Variants in MAGI1 observed in about 807,000 individuals in gnomAD.
MAGI1 encodes membrane associated guanylate kinase, WW and PDZ domain containing 1, also known as membrane-associated guanylate kinase, WW and PDZ domain-containing protein 1.
A neutral mutation model predicts 139.9 loss-of-function variants in MAGI1; 58 were observed. The observed-to-expected ratio is 0.41, with a 90% CI of 0.34 to 0.52. The LOEUF is 0.52. Ranked by LOEUF, MAGI1 falls within the 20% of genes least tolerant of loss-of-function variation. MAGI1 has a pLI of 0.12. For missense variants in MAGI1, 1,874 were observed against 1,901.6 expected (o/e 0.99, Z 0.27); for synonymous variants, 812 against 737.9 (o/e 1.10, Z -1.63).
intron 1 of MAGI1, among the ~76,000 whole-genome samples, chr3:65,732,303 CA>C (rs540531454): frequency 6.6e-6 from 1 of 152,188 alleles, no homozygotes; most frequent in East Asian, 1.9e-4. Context: ...TGAAAACTTG[CA>C]AAGACTTTGT....
chr3:65,371,484 G>A (rs1050079017), intron 18 of MAGI1, among the ~76,000 whole-genome samples: 1 of 152,180 alleles, frequency 6.6e-6, no homozygotes, highest in Admixed American at 6.5e-5. Context: ...CTGATGGAGG[G>A]TCTTGCCTTG....
intron 1 of MAGI1, among the ~76,000 whole-genome samples, chr3:65,655,434 A>G (rs2107341799): frequency 6.6e-6 from 1 of 152,338 alleles, no homozygotes; most frequent in South Asian, 2.1e-4. Flanking sequence ...AAACTCCAGC[A>G]AAACACAGAT....
At chr3:65,983,975 A>G (rs1386454035) in intron 1 of MAGI1, among the ~76,000 whole-genome samples, 4 of 152,166 alleles carry the variant, frequency 2.6e-5, no homozygotes, top group Non-Finnish European at 5.9e-5. Flanking sequence ...TTTACTCATC[A>G]AATAGTAATT....
chr3:65,429,788 G>A lies in MAGI1; in HGVS notation c.1899C>T (p.Ser633=), dbSNP rs1394149747. 4 of 1,613,988 alleles carry A rather than the reference G, an allele frequency of 2.5e-6. No individual in the cohort carries two copies. Among genetic ancestry groups the A allele is most frequent in the Non-Finnish European group, 3.4e-6 (4 of 1,179,968 alleles). ...GYPNDTVSLA[S]SIATQPELIT... ...TGAGTTCTGGCTGAGTGGCTATGGA[G>A]GAAGCCAAAGAAACAGTGTCATTAG... The change falls in exon 12 of 23, where the codon TCC becomes TCT. Residue 633 remains serine, a synonymous_variant. Coordinates refer to ENST00000402939, the MANE Select transcript of MAGI1 (RefSeq NM_001033057.2).
chr3:65,931,015 A>T (rs116830876), intron 1 of MAGI1, among the ~76,000 whole-genome samples: 1,986 of 151,640 alleles, frequency 0.013, 45 homozygotes, highest in African/African-American at 0.046. Flanking sequence ...CGAAGTAGCT[A>T]TTCTTTTACT....
chr3:65,465,331 TGTTG>T (rs1349688263), intron 5 of MAGI1, among the ~76,000 whole-genome samples: 1 of 151,412 alleles, frequency 6.6e-6, no homozygotes, highest in African/African-American at 2.4e-5. Context: ...TCATTGTTTT[TGTTG>T]GTTGTTTTTT....
At chr3:65,361,953 G>C (rs1003971249) in intron 21 of MAGI1, among the ~76,000 whole-genome samples, 27 of 152,176 alleles carry the variant, frequency 1.8e-4, no homozygotes, top group African/African-American at 6.3e-4. Context: ...AATCCTGACT[G>C]ATGTATTGAA....
intron 1 of MAGI1, among the ~76,000 whole-genome samples, chr3:65,987,414 G>A (rs2107327613): frequency 6.6e-6 from 1 of 152,296 alleles, no homozygotes; most frequent in South Asian, 2.1e-4. Flanking sequence ...AACGAACACA[G>A]TGCTTGGCAT....
At chr3:65,870,262 G>T (rs575613931) in intron 1 of MAGI1, among the ~76,000 whole-genome samples, 1 of 151,290 alleles carries the variant, frequency 6.6e-6, no homozygotes, top group Non-Finnish European at 1.5e-5. Flanking sequence ...AGGATCCAAC[G>T]TCAATTCAAT....
chr3:65,498,071 C>T (rs962039470), intron 2 of MAGI1, among the ~76,000 whole-genome samples: 6 of 152,090 alleles, frequency 3.9e-5, no homozygotes, highest in Non-Finnish European at 7.3e-5. Context: ...AGGGAGGGGA[C>T]CCCGCCTTCT....
intron 1 of MAGI1, among the ~76,000 whole-genome samples, chr3:66,036,756 C>T (rs1445426870): frequency 1.3e-5 from 2 of 152,196 alleles, no homozygotes; most frequent in Non-Finnish European, 2.9e-5. Context: ...TATGGAAACA[C>T]ATGGGAACTT....
intron 1 of MAGI1, among the ~76,000 whole-genome samples, chr3:65,924,416 T>C (rs1275623299): frequency 6.6e-6 from 1 of 152,180 alleles, no homozygotes; most frequent in Non-Finnish European, 1.5e-5. Context: ...TTAAGATACA[T>C]GAGTCCCATT....
intron 2 of MAGI1, among the ~76,000 whole-genome samples, chr3:65,569,265 ACC>A (rs992414903): frequency 1.3e-5 from 2 of 152,230 alleles, no homozygotes; most frequent in Non-Finnish European, 2.9e-5. Context: ...AATTGTGGTT[ACC>A]AGGGGCGAGA....
intron 13 of MAGI1, among the ~76,000 whole-genome samples, chr3:65,399,803 T>TG (rs1489210471): frequency 6.6e-6 from 1 of 152,110 alleles, no homozygotes; most frequent in African/African-American, 2.4e-5. Context: ...CCAAAACACT[T>TG]GGGGGAAACA....
chr3:65,664,105 T>C (rs1000333021), intron 1 of MAGI1, among the ~76,000 whole-genome samples: 3 of 152,142 alleles, frequency 2.0e-5, no homozygotes, highest in Non-Finnish European at 2.9e-5. Flanking sequence ...CTCCATGCCA[T>C]TGCAACAGTT....
chr3:65,614,125 C>A (rs1306779558), intron 2 of MAGI1, among the ~76,000 whole-genome samples: 4 of 152,126 alleles, frequency 2.6e-5, no homozygotes, highest in Non-Finnish European at 4.4e-5. Flanking sequence ...AGGTCCACCA[C>A]ACCTGAAAGC....
At chr3:65,882,516 G>A (rs2060368233) in intron 1 of MAGI1, among the ~76,000 whole-genome samples, 1 of 152,100 alleles carries the variant, frequency 6.6e-6, no homozygotes, top group Non-Finnish European at 1.5e-5. Context: ...GGGAACCTCG[G>A]TTGACCATCC....
intron 4 of MAGI1, among the ~76,000 whole-genome samples, chr3:65,471,883 C>A (rs1950579306): frequency 6.6e-6 from 1 of 152,126 alleles, no homozygotes; most frequent in Non-Finnish European, 1.5e-5. Flanking sequence ...GCTGCAGGTG[C>A]TGGAGCCATC....
Position 65,453,286 on chromosome 3 carries a change from C to A in MAGI1, c.1014G>T (p.Gln338His). The change falls in exon 6 of 23, where the codon CAG (glutamine) becomes CAT (histidine). Residue 338 changes from glutamine to histidine, a missense_variant. Physicochemically the swap from Gln to His is conservative, Grantham distance 24. Coordinates refer to ENST00000402939, the MANE Select transcript of MAGI1 (RefSeq NM_001033057.2). Reference sequence around the variant, plus strand: ...CATCTTCACACTCTTCCAGTGGCTTCTGCTGCTTGTTTAGGCACCGAGGGT... The same window carrying A: ...CATCTTCACACTCTTCCAGTGGCTTATGCTGCTTGTTTAGGCACCGAGGGT... ...WLDPRCLNKQ[Q>H]KPLEECEDDE... 6.2e-7 allele frequency: 1 copy of A among 1,612,628 alleles called. No individual in the cohort carries two copies. The highest frequency in any genetic ancestry group is 8.5e-7 in the Non-Finnish European group (1 of 1,179,820).
Sources: gnomAD v4.1 joint callset for allele counts (sites outside exome capture counted in the v4.1 genomes callset) on GRCh38, gnomAD v4.1.1 for gene constraint, MANE v1.5 for transcripts, NCBI Gene and HGNC (gene_info 2026-07-23, HGNC 2026-07-21) for gene names.